Variants in INF2 observed in about 807,000 individuals in gnomAD.
INF2 encodes the protein inverted formin-2.
In INF2, 43 loss-of-function variants were observed where a neutral mutation model predicts 123.5. That is an observed-to-expected ratio of 0.35 (90% confidence interval 0.27 to 0.45). The LOEUF (loss-of-function observed/expected upper bound fraction) is 0.45. Ranked by LOEUF, INF2 falls within the 20% of genes least tolerant of loss-of-function variation. INF2 has a pLI of 1.00. For synonymous variants in INF2, 851 were observed against 745.0 expected, an observed-to-expected ratio of 1.14 and a Z score of -2.32; for missense variants, 1,453 against 1,682.7, an observed-to-expected ratio of 0.86 and a Z score of 2.39.
intron 22 of INF2, among the ~76,000 whole-genome samples, chr14:104,717,867 C>T (rs60103444): frequency 1.2e-4 from 18 of 151,712 alleles, no homozygotes; most frequent in Admixed American, 6.5e-4. Context: ...GCCCCTCGTC[C>T]GAGCGTTCCC....
chr14:104,706,864 AG>A (rs760111051), intron 6 of INF2, 45 bp from the exon 7 acceptor site: 3 of 1,595,092 alleles, frequency 1.9e-6, no homozygotes, highest in Non-Finnish European at 1.7e-6. Flanking sequence ...TTAGTCCACC[AG>A]GGAGGGGCCG....
intron 2 of INF2, among the ~76,000 whole-genome samples, chr14:104,702,338 C>G (rs545105641): frequency 4.6e-5 from 7 of 152,310 alleles, no homozygotes; most frequent in Admixed American, 2.0e-4. Context: ...TGCCTCTGCT[C>G]GTGTTTTCTG....
At chr14:104,686,839 G>C (rs569036141), upstream of INF2, among the ~76,000 whole-genome samples, 2 of 152,304 alleles carry the variant, frequency 1.3e-5, no homozygotes, top group Admixed American at 1.3e-4. Context: ...ACACCTGCCT[G>C]CCTGTTTCTA....
chr14:104,715,883 C>T (rs1234287765), intron 22 of INF2: 1 of 457,022 alleles, frequency 2.2e-6, no homozygotes, highest in Admixed American at 2.3e-5. Context: ...CTGCCAGGGA[C>T]AAGTACACTG....
rs368995122 is a variant in INF2 at position 104,714,265 on chromosome 14, G to C, written c.3103G>C (p.Gly1035Arg). The stretch of plus-strand genomic sequence containing the variant: ...CACGCGCTGTCCCGCCTCTGAGCCC[G>C]GCCTTGATGCTACAACAGCCAGCGA... ...GSTRCPASEP[G>R]LDATTASESR... The change falls in exon 21 of 23, where the codon GGC (glycine) becomes CGC (arginine). Residue 1035 changes from glycine (G) to arginine (R), a missense_variant. This residue lies in a region of INF2 where 344 missense variants were observed against 333.1 expected (regional missense o/e 1.03). Coordinates refer to ENST00000392634, the MANE Select transcript of INF2 (RefSeq NM_022489.4). 2 of 1,593,864 alleles carry C rather than the reference G, an allele frequency of 1.3e-6. No individual in the cohort carries two copies. The highest frequency in any genetic ancestry group is 1.7e-6 in the Non-Finnish European group (2 of 1,171,754).
chr14:104,714,346 G>C lies in INF2; in HGVS notation c.3184G>C (p.Glu1062Gln). The change falls in exon 21 of 23, where the codon GAG becomes CAG. Residue 1062 changes from glutamate to glutamine, a missense_variant. This residue lies in a region of INF2 where 344 missense variants were observed against 333.1 expected (regional missense o/e 1.03). Coordinates refer to ENST00000392634, the MANE Select transcript of INF2 (RefSeq NM_022489.4). ...AVTPGPQPTLEQLEEGGPRPL... is the reference protein window; with the variant it reads ...AVTPGPQPTLQQLEEGGPRPL... The stretch of plus-strand genomic sequence containing the variant: ...GACCCCCGGCCCTCAGCCCACCCTG[G>C]AGCAGTTGGAGGAGGGTGGTCCACG... The C allele has an allele frequency of 6.3e-7, 1 of 1,595,560 alleles. No homozygotes were observed. Among genetic ancestry groups the C allele is most frequent in the Non-Finnish European group, 8.5e-7 (1 of 1,171,846 alleles).
chr14:104,706,228 C>A, intron 6 of INF2, 52 bp downstream of exon 6: 1 of 1,515,990 alleles, frequency 6.6e-7, no homozygotes, highest in Non-Finnish European at 8.9e-7. Context: ...AGGCTGTGGC[C>A]CTGAGGTCCA....
chr14:104,707,538 C>T lies in INF2; in HGVS notation c.1271C>T (p.Pro424Leu). Reference protein sequence around the residue: ...LEQQASTPPPPPPPPLLPGSS... With the variant: ...LEQQASTPPPLPPPPLLPGSS... The stretch of plus-strand genomic sequence containing the variant: ...CAGCAGGCGTCCACCCCACCCCCAC[C>T]CCCACCCCCACCCCTGCTCCCTGGT... The change falls in exon 8 of 23, where the codon CCC becomes CTC. Residue 424 changes from proline to leucine, a missense_variant. Pro to Leu is a moderately conservative substitution (Grantham distance 98). This residue lies in a region of INF2 where 374 missense variants were observed against 303.7 expected (regional missense o/e 1.23). Transcript: ENST00000392634. The T allele has an allele frequency of 2.4e-6, 3 of 1,235,886 alleles. No homozygotes were observed. The highest frequency in any genetic ancestry group is 1.4e-5 in the South Asian group (1 of 71,736). 76.6% of individuals were successfully genotyped at this position (1,235,886 alleles called of 1,614,324 possible).
intron 7 of INF2, 36 bp from the exon 8 acceptor site, chr14:104,707,217 C>G (rs1356814958): frequency 1.9e-6 from 3 of 1,583,338 alleles, no homozygotes; most frequent in Middle Eastern, 1.7e-4. Context: ...CTCTCCGGCT[C>G]CCTTCTCCCT....
chr14:104,704,251 C>A, intron 5 of INF2: 2 of 1,206,494 alleles, frequency 1.7e-6, no homozygotes, highest in South Asian at 1.8e-5. Flanking sequence ...GTGAACCAAC[C>A]CAGAAACAGA....
chr14:104,688,325 A>G (rs368522703), upstream of INF2, among the ~76,000 whole-genome samples: 5 of 151,966 alleles, frequency 3.3e-5, no homozygotes, highest in African/African-American at 9.7e-5. Flanking sequence ...AGACAGACGC[A>G]GCCTGCAATT....
rs373383113 is a variant in INF2, at chr14:104,710,509, G to A, written c.2239+321G>A. ...CACACACGCATGCACACCGCCACTC[G>A]GGCACGTGCACACACACAAGCCCAC... On this transcript the variant is annotated intron_variant, in intron 13 of 22. Coordinates refer to ENST00000392634, the MANE Select transcript of INF2 (RefSeq NM_022489.4). Among the ~76,000 whole-genome samples, 27 of 151,554 alleles carry A rather than the reference G, an allele frequency of 1.8e-4. No homozygotes were observed. In the South Asian group the frequency reaches 2.9e-3, roughly 16 times the overall value.
chr14:104,702,356 G>A (rs749883430), intron 2 of INF2, among the ~76,000 whole-genome samples: 1 of 152,130 alleles, frequency 6.6e-6, no homozygotes, highest in African/African-American at 2.4e-5. Context: ...CTGCCTTTGC[G>A]TCCTCCAAGG....
intron 17 of INF2, 84 bp downstream of exon 17, chr14:104,712,637 C>T: frequency 6.3e-7 from 1 of 1,591,372 alleles, no homozygotes; most frequent in Non-Finnish European, 8.6e-7. Context: ...TGTCTCCTGG[C>T]TCCAGGGTGG....
chr14:104,681,785 G>T (rs1371464256), intron 1 of INF2, among the ~76,000 whole-genome samples: 1 of 152,266 alleles, frequency 6.6e-6, no homozygotes, highest in Non-Finnish European at 1.5e-5. Flanking sequence ...TGAGGATGGG[G>T]GCTGGAGCCC....
At chr14:104,712,647 G>A (rs1890107439) in intron 17 of INF2, 94 bp downstream of exon 17, 1 of 1,573,850 alleles carries the variant, frequency 6.4e-7, no homozygotes, top group Admixed American at 1.7e-5. Flanking sequence ...CTCCAGGGTG[G>A]ATCCTGGGGC....
rs763937814 is a variant in INF2, at chr14:104,713,530, G to A, written c.2964G>A (p.Lys988=). The A allele has an allele frequency of 3.3e-5, 53 of 1,611,630 alleles. No individual in the cohort carries two copies. The change falls in exon 20 of 23, where the codon AAG becomes AAA. Residue 988 remains lysine, a synonymous_variant. Coordinates refer to ENST00000392634, the MANE Select transcript of INF2 (RefSeq NM_022489.4). ...ADIRKGFQLR[K]TARGRGDTDG... is the part of the protein sequence containing the mutation. ...TCAGGAAGGGCTTCCAGCTGCGGAA[G>A]ACAGCCCGGGGCCGCGGGGACACCG...
upstream of INF2, among the ~76,000 whole-genome samples, chr14:104,689,451 A>ACCCCTTAAAGCGCCCTCAGGGACCGG (rs1888820178): frequency 6.6e-6 from 1 of 150,518 alleles, no homozygotes; most frequent in Non-Finnish European, 1.5e-5. Flanking sequence ...GAGTGGGGAG[A>ACCCCTTAAAGCGCCCTCAGGGACCGG]CCCCTTAAAG....
intron 1 of INF2, among the ~76,000 whole-genome samples, chr14:104,682,497 G>A (rs1888550191): frequency 6.6e-6 from 1 of 152,186 alleles, no homozygotes; most frequent in African/African-American, 2.4e-5. Flanking sequence ...GCGGGAGGGC[G>A]GCAGGGAGCA....
Sources: allele counts gnomAD v4.1 joint callset (sites outside exome capture counted in the v4.1 genomes callset), GRCh38; gene constraint gnomAD v4.1.1; regional missense constraint gnomAD v4.1.1; transcripts MANE v1.5; gene names NCBI Gene and HGNC (gene_info 2026-07-23, HGNC 2026-07-21).